The following ZNF423 variants were observed in gnomAD, a reference collection of about 807,000 sequenced individuals.
ZNF423 encodes Ebf-associated zinc finger protein.
Under a neutral mutation model 95.8 loss-of-function variants are expected in ZNF423, and 12 were observed. That is an observed-to-expected ratio of 0.13 (90% CI 0.08 to 0.20). The LOEUF (loss-of-function observed/expected upper bound fraction) is 0.20, where lower values mean the gene tolerates loss of function less well. ZNF423 is among the 10% of genes least tolerant of loss of function. ZNF423 has a pLI of 1.00. For synonymous variants in ZNF423, 749 were observed against 711.9 expected (o/e 1.05, Z -0.83); for missense variants, 1,316 against 1,737.1 (o/e 0.76, Z 4.31).
chr16:49,570,489 T>G (rs984242007), intron 5 of ZNF423, among the ~76,000 whole-genome samples: 60 of 152,176 alleles, frequency 3.9e-4, no homozygotes, highest in African/African-American at 1.4e-3. Flanking sequence ...TATTTAATTC[T>G]TTTTCTTCCT....
At chr16:49,605,814 T>C (rs1434096607) in intron 5 of ZNF423, among the ~76,000 whole-genome samples, 2 of 152,282 alleles carry the variant, frequency 1.3e-5, no homozygotes, top group African/African-American at 2.4e-5. Context: ...TGCAGCTTGC[T>C]GAGCAGCAGA....
upstream of ZNF423, among the ~76,000 whole-genome samples, chr16:49,858,424 A>G (rs984413121): frequency 6.9e-6 from 1 of 145,304 alleles, no homozygotes; most frequent in Non-Finnish European, 1.5e-5. This position sits in a 1 kb window ranked among gnomAD's most constrained non-coding sequence, Gnocchi z 4.3. Context: ...CGCGAGCTGG[A>G]GGATGCGGAG....
intron 5 of ZNF423, among the ~76,000 whole-genome samples, chr16:49,579,348 C>A (rs1229083009): frequency 6.6e-6 from 1 of 151,956 alleles, no homozygotes; most frequent in African/African-American, 2.4e-5. Context: ...CTGGACCACA[C>A]TAGGGCCCTC....
At chr16:49,652,305 C>T (rs758345556) in intron 3 of ZNF423, among the ~76,000 whole-genome samples, 5 of 151,882 alleles carry the variant, frequency 3.3e-5, no homozygotes, top group Non-Finnish European at 5.9e-5. Flanking sequence ...ATTGAAAATG[C>T]AATTGAGCTC....
intron 2 of ZNF423, among the ~76,000 whole-genome samples, chr16:49,758,652 G>C (rs895328496): frequency 2.0e-5 from 3 of 152,120 alleles, no homozygotes; most frequent in Admixed American, 6.5e-5. Context: ...TGAGATGAGA[G>C]GATCGCTTGA....
chr16:49,515,753 C>T (rs991112482), intron 7 of ZNF423, among the ~76,000 whole-genome samples: 7 of 152,174 alleles, frequency 4.6e-5, no homozygotes, highest in Non-Finnish European at 1.0e-4. Context: ...CCCTCATGCA[C>T]GCATCCCCAC....
intron 2 of ZNF423, among the ~76,000 whole-genome samples, chr16:49,738,025 C>T (rs540986271): frequency 3.9e-5 from 6 of 152,304 alleles, no homozygotes; most frequent in East Asian, 1.9e-4. Flanking sequence ...TCCATGCACC[C>T]GAGACAGAGA....
chr16:49,601,304 C>T (rs1004971114), intron 5 of ZNF423, among the ~76,000 whole-genome samples: 1 of 152,178 alleles, frequency 6.6e-6, no homozygotes, highest in Admixed American at 6.5e-5. Flanking sequence ...CACTTCACCT[C>T]TGTATTCCTC....
chr16:49,813,001 C>G (rs1054643981), intron 1 of ZNF423, among the ~76,000 whole-genome samples: 1 of 152,078 alleles, frequency 6.6e-6, no homozygotes, highest in Non-Finnish European at 1.5e-5. Context: ...TCTACTTAAA[C>G]CCCCTGCCAC....
chr16:49,615,947 C>A (rs773927260), intron 5 of ZNF423, among the ~76,000 whole-genome samples: 1 of 152,178 alleles, frequency 6.6e-6, no homozygotes, highest in Non-Finnish European at 1.5e-5. Context: ...CCGCTGCATA[C>A]GTTTCATTTT....
Position 49,822,544 on chromosome 16 carries a change from AG to A in ZNF423, c.41-32999del, listed in dbSNP as rs1334498682. The stretch of plus-strand genomic sequence containing the variant: ...GTTGCTCCTTCATCCTCCCCAGGCA[AG>A]GCCCCTAGCTGAGTCAGAAGGGATG... On this transcript the variant is annotated intron_variant, in intron 1 of 7. Transcript: ENST00000563137. The A allele has an allele frequency of 1.8e-5, 12 of 654,812 alleles. No individual in the cohort carries two copies. The African/African-American group carries it at 2.2e-4, about 12-fold the overall frequency. The allele number at this position is 654,812 out of a possible 1,614,324, so 40.6% of individuals were successfully genotyped here.
chr16:49,749,131 T>C (rs2033584240), intron 2 of ZNF423, among the ~76,000 whole-genome samples: 1 of 151,966 alleles, frequency 6.6e-6, no homozygotes, highest in Non-Finnish European at 1.5e-5. Flanking sequence ...TCCACAGGGG[T>C]ATCTAGCAGC....
upstream of ZNF423, among the ~76,000 whole-genome samples, chr16:49,858,262 G>T (rs959659063): frequency 2.4e-4 from 36 of 149,522 alleles, no homozygotes; most frequent in Non-Finnish European, 3.9e-4. The surrounding 1 kb of genome is among the most constrained non-coding windows in gnomAD (Gnocchi z 4.3). Flanking sequence ...CCCCACGCAG[G>T]GTGCCCGCGC....
At chr16:49,728,901 T>A (rs2033094243) in intron 3 of ZNF423, among the ~76,000 whole-genome samples, 1 of 151,990 alleles carries the variant, frequency 6.6e-6, no homozygotes, top group Admixed American at 6.6e-5. Flanking sequence ...CCTGGGTAAT[T>A]TTTGTATTTT....
rs139569783 is a variant in ZNF423 at position 49,795,467 on chromosome 16, C to A, written c.41-5921G>T. ...GAACAGAAAACTCTGGCCACAGAAT[C>A]CAGTTACAGAGTGGATGGAGCAGGG... is the stretch of plus-strand genomic sequence containing the variant. On this transcript the variant is annotated intron_variant, in intron 1 of 7. Transcript: ENST00000563137. Among the ~76,000 whole-genome samples the A allele has an allele frequency of 1.1e-4, 16 of 152,328 alleles. 1 individual carries two copies. Among genetic ancestry groups the A allele is most frequent in the Admixed American group, 3.9e-4 (6 of 15,302 alleles).
At chr16:49,726,111 C>T (rs1320212515) in intron 3 of ZNF423, among the ~76,000 whole-genome samples, 1 of 152,172 alleles carries the variant, frequency 6.6e-6, no homozygotes, top group Non-Finnish European at 1.5e-5. Flanking sequence ...TGGCATGTTC[C>T]AGGACTGGCA....
At chr16:49,642,183 A>C (rs1167618709) in intron 3 of ZNF423, among the ~76,000 whole-genome samples, 1 of 152,198 alleles carries the variant, frequency 6.6e-6, no homozygotes, top group Non-Finnish European at 1.5e-5. Flanking sequence ...TCCTCACAAC[A>C]ACCATATCTG....
chr16:49,502,159 G>A (rs1480100824), intron 7 of ZNF423, among the ~76,000 whole-genome samples: 2 of 152,224 alleles, frequency 1.3e-5, no homozygotes, highest in Non-Finnish European at 2.9e-5. Flanking sequence ...TGAGACCTCT[G>A]GGGTTGGTGA....
At chr16:49,727,815 T>C (rs953499554) in intron 3 of ZNF423, among the ~76,000 whole-genome samples, 4 of 152,238 alleles carry the variant, frequency 2.6e-5, no homozygotes, top group African/African-American at 9.6e-5. Flanking sequence ...CACCATGGTC[T>C]GCCCAGCCTG....
Sources: allele counts gnomAD v4.1 joint callset (sites outside exome capture counted in the v4.1 genomes callset), GRCh38; gene constraint gnomAD v4.1.1; non-coding constraint Gnocchi (gnomAD v3.1); transcripts MANE v1.5; gene names NCBI Gene and HGNC (gene_info 2026-07-23, HGNC 2026-07-21).